Variants in GCH1 observed in about 807,000 individuals in gnomAD.
GCH1 encodes the protein GTP cyclohydrolase I.
GCH1 carries 5 observed loss-of-function variants against 25.9 expected under a neutral mutation model. That is an observed-to-expected ratio of 0.19 (90% CI 0.10 to 0.41). GCH1 has a LOEUF of 0.41. Ranked by LOEUF, GCH1 falls within the 10% of genes least tolerant of loss-of-function variation. The probability of loss-of-function intolerance (pLI) is 1.00; values close to 1 mark genes in which losing one functional copy is unlikely to be tolerated. For missense variants in GCH1, 261 were observed against 336.5 expected, an observed-to-expected ratio of 0.78 and a Z score of 1.75; for synonymous variants, 159 against 129.6, an observed-to-expected ratio of 1.23 and a Z score of -1.54.
In GCH1 at chr14:54,880,469, T is replaced by TATATATACACTCC. The variant is rs1217443731; in HGVS notation, c.344-15034_344-15033insGGAGTGTATATAT. On this transcript the variant is annotated intron_variant, in intron 1 of 5. Transcript: ENST00000491895. ...ACTCCATATAAATATATACTCCATA[T>TATATATACACTCC]ATATATATACACTCCATATATATAT... 3.3e-4 allele frequency among the ~76,000 whole-genome samples: 39 copies of TATATATACACTCC among 116,880 alleles called. 5 individuals carry two copies. Among genetic ancestry groups the TATATATACACTCC allele is most frequent in the African/African-American group, 1.4e-3 (35 of 24,770 alleles). The allele number at this position is 116,880 out of a possible 152,430, so 76.7% of individuals were successfully genotyped here. A position where few individuals can be genotyped will look rare whatever the true frequency, so the allele number is the denominator to read the frequency against.
At position 54,879,159 on chromosome 14, in the gene GCH1, G is replaced by A. The variant is rs904395217; in HGVS notation, c.344-13723C>T. Among the ~76,000 whole-genome samples the A allele has an allele frequency of 5.3e-5, 8 of 152,246 alleles. No homozygotes were observed. The East Asian group carries it at 7.7e-4, about 15-fold the overall frequency. On this transcript the variant is annotated intron_variant, in intron 1 of 5. Transcript: ENST00000491895. Reference sequence around the variant, plus strand: ...TTTTCAGCTGGGCACAGTGGTTCACGCCTGTAATCCCAGCACTTTGGGAGG... The same window carrying A: ...TTTTCAGCTGGGCACAGTGGTTCACACCTGTAATCCCAGCACTTTGGGAGG...
At chr14:54,860,298 G>A (rs902464214) in intron 2 of GCH1, among the ~76,000 whole-genome samples, 1 of 152,166 alleles carries the variant, frequency 6.6e-6, no homozygotes, top group African/African-American at 2.4e-5. Flanking sequence ...TTATGGAGGA[G>A]AAACATTCTC....
rs1403380755 is a variant in GCH1 at position 54,902,809 on chromosome 14, C to A, written c.-146G>T. 1.8e-6 allele frequency: 2 copies of A among 1,094,670 alleles called. No homozygotes were observed. The highest frequency in any genetic ancestry group is 3.5e-5 in the South Asian group (1 of 28,898). The allele number at this position is 1,094,670 out of a possible 1,614,324, so 67.8% of individuals were successfully genotyped here. Reference sequence around the variant, plus strand: ...AACCTGCTTAGATCACACTCCGAGCCGGGAGCGGCCACAGGCTGGAAAGCC... The same window carrying A: ...AACCTGCTTAGATCACACTCCGAGCAGGGAGCGGCCACAGGCTGGAAAGCC... On this transcript the variant is annotated 5_prime_UTR_variant, in exon 1 of 6. Coordinates refer to ENST00000491895, the MANE Select transcript of GCH1 (RefSeq NM_000161.3).
At chr14:54,845,640 A>G in intron 5 of GCH1, 128 bp downstream of exon 5, 2 of 743,450 alleles carry the variant, frequency 2.7e-6, no homozygotes, top group Non-Finnish European at 5.0e-6. Flanking sequence ...AGGCTCAGGG[A>G]TGGAAATCTA....
chr14:54,875,679 T>C (rs1384353863), intron 1 of GCH1, among the ~76,000 whole-genome samples: 1 of 152,092 alleles, frequency 6.6e-6, no homozygotes, highest in Admixed American at 6.6e-5. Flanking sequence ...GAACAGACAC[T>C]TCTCAAGGAT....
At position 54,870,903 on chromosome 14, in the gene GCH1, G is replaced by A. The variant is rs139869681; in HGVS notation, c.344-5467C>T. 5.6e-3 allele frequency among the ~76,000 whole-genome samples: 856 copies of A among 152,334 alleles called. 8 individuals are homozygous for A. Among genetic ancestry groups the A allele is most frequent in the African/African-American group, 0.019 (784 of 41,578 alleles). ...AGCTCAAGGAGCCCTGCCTGCCTCC[G>A]TAGACTCCACCTCTGGGGGCACGGC... On this transcript the variant is annotated intron_variant, in intron 1 of 5. Transcript: ENST00000491895.
intron 1 of GCH1, among the ~76,000 whole-genome samples, chr14:54,876,335 C>T (rs1174819764): frequency 6.6e-6 from 1 of 151,948 alleles, no homozygotes; most frequent in African/African-American, 2.4e-5. Flanking sequence ...CACACCGGGG[C>T]CTGTTGTGGG....
intron 1 of GCH1, among the ~76,000 whole-genome samples, chr14:54,890,674 G>T (rs2040411853): frequency 6.6e-6 from 1 of 152,116 alleles, no homozygotes. Context: ...AAATCTAATT[G>T]CCTTGAAAAC....
intron 1 of GCH1, among the ~76,000 whole-genome samples, chr14:54,871,188 A>T (rs2040070867): frequency 6.6e-6 from 1 of 152,166 alleles, no homozygotes; most frequent in Non-Finnish European, 1.5e-5. Flanking sequence ...TTTGCTGTTC[A>T]CCAATATCCA....
rs12587434 is a variant in GCH1, at chr14:54,858,865, T to C, written c.509+816A>G. On this transcript the variant is annotated intron_variant, in intron 3 of 5. Transcript: ENST00000491895. ...AGAGATATCTGAACACAAACCCCCA[T>C]GTTGACTTCCAGTTAAACACAGATG... 2.6e-3 allele frequency among the ~76,000 whole-genome samples: 399 copies of C among 152,188 alleles called. 1 individual carries two copies. The highest frequency in any genetic ancestry group is 8.8e-3 in the African/African-American group (366 of 41,522).
intron 1 of GCH1, among the ~76,000 whole-genome samples, chr14:54,875,114 C>T (rs1403967556): frequency 6.6e-6 from 1 of 152,060 alleles, no homozygotes; most frequent in African/African-American, 2.4e-5. Context: ...GGTACTGGTA[C>T]CAAAACAGAG....
At chr14:54,892,814 C>T (rs952288300) in intron 1 of GCH1, among the ~76,000 whole-genome samples, 2 of 152,208 alleles carry the variant, frequency 1.3e-5, no homozygotes, top group Non-Finnish European at 2.9e-5. Flanking sequence ...TGCGGTGGCT[C>T]ATGCCTGTAA....
At chr14:54,860,479 C>T (rs1284011823) in intron 2 of GCH1, among the ~76,000 whole-genome samples, 1 of 152,066 alleles carries the variant, frequency 6.6e-6, no homozygotes, top group African/African-American at 2.4e-5. Context: ...CAGAAGGTCT[C>T]CACACCCTTT....
intron 1 of GCH1, chr14:54,885,469 T>C (rs185464381): frequency 2.8e-5 from 7 of 247,338 alleles, no homozygotes; most frequent in Admixed American, 2.5e-4. Context: ...CAACAGGTGA[T>C]AGATAGATGC....
intron 1 of GCH1, among the ~76,000 whole-genome samples, chr14:54,880,810 CAT>C (rs375570607): frequency 0.033 from 1,463 of 44,638 alleles, 236 homozygotes; most frequent in Non-Finnish European, 0.047. Context: ...ATATATACTC[CAT>C]ATATATATAT....
intron 1 of GCH1, among the ~76,000 whole-genome samples, chr14:54,877,360 G>C (rs763003941): frequency 6.6e-6 from 1 of 152,200 alleles, no homozygotes; most frequent in Non-Finnish European, 1.5e-5. Context: ...CAGTTTTCAG[G>C]TATACCTTTC....
intron 1 of GCH1, among the ~76,000 whole-genome samples, chr14:54,883,190 G>C (rs982153316): frequency 4.3e-4 from 65 of 151,352 alleles, no homozygotes; most frequent in African/African-American, 1.5e-3. Context: ...TGGCCAACAT[G>C]GTGAAACCCC....
chr14:54,880,460 T>C lies in GCH1; in HGVS notation c.344-15024A>G, dbSNP rs181938889. On this transcript the variant is annotated intron_variant, in intron 1 of 5. Coordinates refer to ENST00000491895, the MANE Select transcript of GCH1 (RefSeq NM_000161.3). ...TATATATATACTCCATATAAATATATACTCCATATATATATATACACTCCA... is the reference window on the plus strand; with the variant it reads ...TATATATATACTCCATATAAATATACACTCCATATATATATATACACTCCA... 7.1e-3 allele frequency among the ~76,000 whole-genome samples: 673 copies of C among 95,030 alleles called. 42 individuals are homozygous for C. The highest frequency in any genetic ancestry group is 0.035 in the African/African-American group (619 of 17,746). The allele number at this position is 95,030 out of a possible 152,430, so 62.3% of individuals were successfully genotyped here.
At chr14:54,887,236 G>C (rs1189363930) in intron 1 of GCH1, among the ~76,000 whole-genome samples, 1 of 152,208 alleles carries the variant, frequency 6.6e-6, no homozygotes, top group East Asian at 1.9e-4. Context: ...CAGTGAAACA[G>C]GGCTTTTAAA....
Sources: gnomAD v4.1 joint callset for allele counts (sites outside exome capture counted in the v4.1 genomes callset) on GRCh38, gnomAD v4.1.1 for gene constraint, MANE v1.5 for transcripts, NCBI Gene and HGNC (gene_info 2026-07-23, HGNC 2026-07-21) for gene names.